The following NCAN variants were observed in gnomAD, a reference collection of about 807,000 sequenced individuals.
NCAN encodes neurocan core protein.
NCAN carries 47 observed loss-of-function variants against 121.8 expected under a neutral mutation model. The observed-to-expected ratio is 0.39, with a 90% CI of 0.31 to 0.49. The LOEUF (loss-of-function observed/expected upper bound fraction) is 0.49. NCAN is among the 20% of genes least tolerant of loss of function. The pLI, the probability that NCAN is intolerant of heterozygous loss-of-function variation, is 0.92. For missense variants in NCAN, 1,517 were observed against 1,773.4 expected (o/e 0.86, Z 2.60); for synonymous variants, 633 against 702.0 (o/e 0.90, Z 1.55).
chr19:19,240,394 G>A, intron 11 of NCAN, among the ~76,000 whole-genome samples: 1 of 151,562 alleles, frequency 6.6e-6, no homozygotes, highest in Admixed American at 6.6e-5. Context: ...GGCTGAGGGA[G>A]GGGCTCTGGG....
rs144219429 is a variant in NCAN, at chr19:19,226,907, G to A, written c.1494G>A (p.Pro498=). ...GRYFQQQEPE[P]GLQGGMEASA... The stretch of plus-strand genomic sequence containing the variant: ...ACTTCCAGCAGCAGGAACCGGAGCC[G>A]GGGCTGCAAGGGGGGATGGAGGCCA... Residue 498 remains proline, a synonymous_variant, in exon 7 of 15, where the codon CCG becomes CCA. Coordinates refer to ENST00000252575, the MANE Select transcript of NCAN (RefSeq NM_004386.3). 17 of 1,603,722 alleles carry A rather than the reference G, an allele frequency of 1.1e-5. No individual in the cohort carries two copies. The highest frequency in any genetic ancestry group is 3.3e-5 in the South Asian group (3 of 90,140).
rs1320968256 is a variant in NCAN, at chr19:19,250,552, T to A, written c.*641T>A. 8.5e-6 allele frequency: 2 copies of A among 236,144 alleles called. No individual in the cohort carries two copies. The highest frequency in any genetic ancestry group is 1.7e-5 in the Non-Finnish European group (2 of 119,630). The allele number at this position is 236,144 out of a possible 1,614,324, so 14.6% of individuals were successfully genotyped here. ...CCCTCCATGCCTTCAGAGTTAGGAG[T>A]GAGAATGATCAAAGCAATATGTAGG... On this transcript the variant is annotated 3_prime_UTR_variant, in exon 15 of 15. Transcript: ENST00000252575.
rs1047799519 is a variant in NCAN, at chr19:19,226,881, T to C, written c.1468T>C (p.Tyr490His). 2 of 1,611,194 alleles carry C rather than the reference T, an allele frequency of 1.2e-6. No individual in the cohort carries two copies. The highest frequency in any genetic ancestry group is 1.7e-5 in the Admixed American group (1 of 59,846). ...GCGCTTCAAAGGGTTGAATGGGCGC[T>C]ACTTCCAGCAGCAGGAACCGGAGCC... ...RGRFKGLNGR[Y>H]FQQQEPEPGL... Residue 490 changes from tyrosine to histidine, a missense_variant, in exon 7 of 15, where the codon TAC becomes CAC. Transcript: ENST00000252575.
In NCAN at chr19:19,228,545, AG is replaced by A; in HGVS notation, c.2928del (p.Ser977AlafsTer4). The A allele has an allele frequency of 1.2e-6, 2 of 1,613,248 alleles. No individual in the cohort carries two copies. Among genetic ancestry groups the A allele is most frequent in the Non-Finnish European group, 1.7e-6 (2 of 1,180,010 alleles). ...AGGACTTCGAACTGGAGGTCCTGGC[AG>A]GGAGCCCGGGTGTAGAGAGCTTCTG... ...IEDFELEVLAGSPGVESFWEE... is the reference protein window; with the variant it reads ...IEDFELEVLAXSPGVESFWEE... On this transcript the variant is annotated frameshift_variant, in exon 8 of 15. Transcript: ENST00000252575. LOFTEE classifies it high-confidence loss of function.
At chr19:19,231,931 GATC>G (rs1453533130) in intron 8 of NCAN, among the ~76,000 whole-genome samples, 1 of 151,802 alleles carries the variant, frequency 6.6e-6, no homozygotes, top group East Asian at 1.9e-4. Context: ...AGTGAGCTAT[GATC>G]ATGCAACTGC....
rs1440563238 is a variant in NCAN, at chr19:19,251,844, T to C, written c.*1933T>C. Reference sequence around the variant, plus strand: ...TCTTCTTAGTTTAAAATAATAATAATAACACATCTTTGGTCATCTATGTCA... The same window carrying C: ...TCTTCTTAGTTTAAAATAATAATAACAACACATCTTTGGTCATCTATGTCA... On this transcript the variant is annotated 3_prime_UTR_variant, in exon 15 of 15. Transcript: ENST00000252575. 6.6e-6 allele frequency: 1 copy of C among 151,744 alleles called. No homozygotes were observed. The highest frequency in any genetic ancestry group is 1.5e-5 in the Non-Finnish European group (1 of 67,948). 9.4% of individuals were successfully genotyped at this position (151,744 alleles called of 1,614,324 possible).
chr19:19,223,802 T>G (rs2060825118), intron 3 of NCAN, among the ~76,000 whole-genome samples: 1 of 152,144 alleles, frequency 6.6e-6, no homozygotes, highest in South Asian at 2.1e-4. Flanking sequence ...ATTGTAAATA[T>G]TTGCTAACTT....
In NCAN at chr19:19,228,280, T is replaced by C. The variant is rs770621367; in HGVS notation, c.2660T>C (p.Met887Thr). The change falls in exon 8 of 15, where the codon ATG becomes ACG. Residue 887 changes from methionine (M) to threonine (T), a missense_variant. Physicochemically the swap from Met to Thr is moderately conservative, Grantham distance 81 (BLOSUM62 -1). Transcript: ENST00000252575. Reference protein sequence around the residue: ...EQGDKVGVPAMSTLGSSSSQP... With the variant: ...EQGDKVGVPATSTLGSSSSQP... ...GGGGACAAGGTTGGAGTTCCAGCCATGTCTACACTGGGCTCCTCAAGCTCC... is the reference window on the plus strand; with the variant it reads ...GGGGACAAGGTTGGAGTTCCAGCCACGTCTACACTGGGCTCCTCAAGCTCC... 9 of 1,613,890 alleles carry C rather than the reference T, an allele frequency of 5.6e-6. No individual in the cohort carries two copies. Among genetic ancestry groups the C allele is most frequent in the East Asian group, 4.5e-5 (2 of 44,862 alleles).
At chr19:19,238,450 G>A in intron 11 of NCAN, 39 bp downstream of exon 11, 2 of 1,612,680 alleles carry the variant, frequency 1.2e-6, no homozygotes, top group Non-Finnish European at 1.7e-6. Flanking sequence ...CCTGGAGGGT[G>A]GGCAGGGGTG....
intron 14 of NCAN, 113 bp downstream of exon 14, chr19:19,248,995 AG>A (rs1172291594): frequency 8.7e-7 from 1 of 1,155,064 alleles, no homozygotes; most frequent in Non-Finnish European, 1.2e-6. Context: ...CTGATAATAC[AG>A]CCTTGCAGAT....
At chr19:19,238,121 A>C in intron 10 of NCAN, 132 bp from the exon 11 acceptor site, 1 of 1,135,856 alleles carries the variant, frequency 8.8e-7, no homozygotes, top group African/African-American at 1.5e-5. Context: ...GGGGCCAGGC[A>C]TGGGGAGAGG....
chr19:19,229,269 A>G (rs2060849716), intron 8 of NCAN, among the ~76,000 whole-genome samples: 1 of 152,146 alleles, frequency 6.6e-6, no homozygotes, highest in Non-Finnish European at 1.5e-5. Flanking sequence ...TGATTTGGGG[A>G]TGAGTTCAGG....
At chr19:19,249,071 GTGTGTGTGTA>G (rs2146562477) in intron 14 of NCAN, 189 bp downstream of exon 14, 3 of 574,962 alleles carry the variant, frequency 5.2e-6, no homozygotes, top group African/African-American at 2.2e-5. Flanking sequence ...GTGTGTGTGT[GTGTGTGTGTA>G]TGTGTATGAG....
chr19:19,231,289 A>G (rs972613137), intron 8 of NCAN, among the ~76,000 whole-genome samples: 4 of 151,480 alleles, frequency 2.6e-5, no homozygotes, highest in Middle Eastern at 3.2e-3. Context: ...AGGGAGTGTC[A>G]AGGCTGGGGT....
intron 1 of NCAN, among the ~76,000 whole-genome samples, chr19:19,214,044 C>T (rs936632160): frequency 1.3e-5 from 2 of 152,146 alleles, no homozygotes; most frequent in African/African-American, 4.8e-5. Context: ...CATGCACCCA[C>T]CACATGGCAC....
chr19:19,225,356 G>A lies in NCAN; in HGVS notation c.1072+86G>A, dbSNP rs755550684. The A allele has an allele frequency of 1.2e-4, 160 of 1,390,278 alleles. No homozygotes were observed. The highest frequency in any genetic ancestry group is 1.5e-4 in the Non-Finnish European group (156 of 1,072,786). 86.1% of individuals were successfully genotyped at this position (1,390,278 alleles called of 1,614,324 possible). A position where few individuals can be genotyped will look rare whatever the true frequency, so the allele number is the denominator to read the frequency against. On this transcript the variant is annotated intron_variant, in intron 6 of 14. Transcript: ENST00000252575. This position sits in a 1 kb window ranked among gnomAD's most constrained non-coding sequence, Gnocchi z 4.0. ...CTGAAAGCCTCGCCAAGCCAAGGGA[G>A]AGACACATGGAAGCTCGCTTTGTGA...
intron 2 of NCAN, among the ~76,000 whole-genome samples, chr19:19,217,270 GAGAA>G (rs1013693756): frequency 2.0e-5 from 3 of 152,202 alleles, no homozygotes; most frequent in East Asian, 1.9e-4. Context: ...ATGAACTGGA[GAGAA>G]AGAAAGAAAG....
rs1228676801 is a variant in NCAN at position 19,238,255 on chromosome 19, A to G, written c.3253A>G (p.Thr1085Ala). Residue 1085 changes from threonine (T) to alanine (A), a missense_variant and splice_region_variant, in exon 11 of 15, where the codon ACC becomes GCC. Transcript: ENST00000252575. ...CACGCTCCTATCCCATCTCCCAGAC[A>G]CCGAGGGCTGTGACCGCGGCTGGCA... Reference protein sequence around the residue: ...SYGGSFCEKDTEGCDRGWHKF... With the variant: ...SYGGSFCEKDAEGCDRGWHKF... 9.3e-6 allele frequency: 15 copies of G among 1,614,046 alleles called. No homozygotes were observed. Among genetic ancestry groups the G allele is most frequent in the Non-Finnish European group, 1.3e-5 (15 of 1,179,990 alleles).
At position 19,224,214 on chromosome 19, in the gene NCAN, G is replaced by T. The variant is rs1314822885; in HGVS notation, c.650+19G>T. The T allele has an allele frequency of 1.3e-6, 2 of 1,587,218 alleles. No individual in the cohort carries two copies. Among genetic ancestry groups the T allele is most frequent in the African/African-American group, 1.3e-5 (1 of 74,532 alleles). ...CTGTTCGGTGAGGGGGATACACAGGGCAGGGAGATGAAGACTAGCTCATGG... is the reference window on the plus strand; with the variant it reads ...CTGTTCGGTGAGGGGGATACACAGGTCAGGGAGATGAAGACTAGCTCATGG... On this transcript the variant is annotated intron_variant, in intron 4 of 14. Coordinates refer to ENST00000252575, the MANE Select transcript of NCAN (RefSeq NM_004386.3).
Sources: allele counts gnomAD v4.1 joint callset (sites outside exome capture counted in the v4.1 genomes callset), GRCh38; gene constraint gnomAD v4.1.1; non-coding constraint Gnocchi (gnomAD v3.1); transcripts MANE v1.5; gene names NCBI Gene and HGNC (gene_info 2026-07-23, HGNC 2026-07-21).